Variants in CSMD3 observed in about 807,000 individuals in gnomAD.
CSMD3 encodes CUB and sushi domain-containing protein 3.
Under a neutral mutation model 435.2 loss-of-function variants are expected in CSMD3, and 177 were observed. That is an observed-to-expected ratio of 0.41 (90% CI 0.36 to 0.46). CSMD3 has a LOEUF of 0.46. CSMD3 is among the 20% of genes least tolerant of loss of function. CSMD3 has a pLI of 0.34. For missense variants in CSMD3, 4,265 were observed against 4,504.6 expected, an observed-to-expected ratio of 0.95 and a Z score of 1.52; for synonymous variants, 1,656 against 1,520.5, an observed-to-expected ratio of 1.09 and a Z score of -2.07.
At chr8:112,402,954 G>A (rs568449385) in intron 35 of CSMD3, among the ~76,000 whole-genome samples, 69 of 152,144 alleles carry the variant, frequency 4.5e-4, no homozygotes, top group Admixed American at 1.0e-3. Flanking sequence ...ATGTATTGTG[G>A]TTCAGAAAAG....
Position 112,740,201 on chromosome 8 carries a change from T to C in CSMD3, c.1973-50151A>G, listed in dbSNP as rs1222894044. The stretch of plus-strand genomic sequence containing the variant: ...TGACACAAAAATATAAAAAAAATTT[T>C]AAAATATTTATTTCCGTCAATATAT... On this transcript the variant is annotated intron_variant, in intron 13 of 70. Coordinates refer to ENST00000297405, the MANE Select transcript of CSMD3 (RefSeq NM_198123.2). Among the ~76,000 whole-genome samples, 5 of 151,866 alleles carry C rather than the reference T, an allele frequency of 3.3e-5. No homozygotes were observed. In the East Asian group the frequency reaches 9.6e-4, roughly 29 times the overall value.
chr8:113,393,854 T>A (rs893270890), intron 1 of CSMD3, among the ~76,000 whole-genome samples: 8 of 152,088 alleles, frequency 5.3e-5, no homozygotes, highest in Non-Finnish European at 8.8e-5. Context: ...AATATAAAAT[T>A]TAACTTTTGG....
At chr8:112,960,211 G>A (rs1373950937) in intron 7 of CSMD3, among the ~76,000 whole-genome samples, 1 of 150,324 alleles carries the variant, frequency 6.7e-6, no homozygotes, top group African/African-American at 2.4e-5. Context: ...ATCCTGTACT[G>A]GCTGAACAAA....
chr8:113,006,601 G>T (rs1387735243), intron 6 of CSMD3, among the ~76,000 whole-genome samples: 1 of 151,940 alleles, frequency 6.6e-6, no homozygotes, highest in African/African-American at 2.4e-5. Flanking sequence ...AGGAAATCTA[G>T]AGAGTGAGAG....
intron 3 of CSMD3, among the ~76,000 whole-genome samples, chr8:113,207,764 A>T (rs913115552): frequency 6.6e-6 from 1 of 152,172 alleles, no homozygotes; most frequent in Non-Finnish European, 1.5e-5. Flanking sequence ...TATATACTTG[A>T]TATTTACTGA....
At chr8:113,158,454 A>G (rs1035838036) in intron 4 of CSMD3, among the ~76,000 whole-genome samples, 2 of 152,102 alleles carry the variant, frequency 1.3e-5, no homozygotes, top group African/African-American at 4.8e-5. Flanking sequence ...AATACAAGAT[A>G]ATAAAATAAA....
intron 4 of CSMD3, among the ~76,000 whole-genome samples, chr8:113,102,682 A>G (rs1385121980): frequency 6.6e-6 from 1 of 152,124 alleles, no homozygotes; most frequent in Non-Finnish European, 1.5e-5. Context: ...CATGAAAAGC[A>G]GAGGGAAGGG....
intron 13 of CSMD3, among the ~76,000 whole-genome samples, chr8:112,763,817 C>T (rs1218708090): frequency 6.6e-6 from 1 of 150,992 alleles, no homozygotes; most frequent in East Asian, 1.9e-4. Context: ...AACAAGAATA[C>T]ACATTGGGCT....
chr8:113,069,804 G>C (rs1455895794), intron 5 of CSMD3, among the ~76,000 whole-genome samples: 3 of 152,092 alleles, frequency 2.0e-5, no homozygotes. Context: ...AGTTAAGGCA[G>C]TGAAAAGCCC....
chr8:113,398,070 C>A (rs1345881591), intron 1 of CSMD3, among the ~76,000 whole-genome samples: 1 of 151,960 alleles, frequency 6.6e-6, no homozygotes, highest in Non-Finnish European at 1.5e-5. Flanking sequence ...TGCTCGATAG[C>A]GTTAACCATT....
chr8:113,363,859 TG>T (rs1431992765), intron 1 of CSMD3, among the ~76,000 whole-genome samples: 2 of 152,214 alleles, frequency 1.3e-5, no homozygotes, highest in African/African-American at 4.8e-5. Flanking sequence ...TAGATCAGAA[TG>T]TTTTTAATTT....
chr8:112,377,465 T>C (rs1255998000), intron 38 of CSMD3, among the ~76,000 whole-genome samples: 1 of 152,030 alleles, frequency 6.6e-6, no homozygotes, highest in African/African-American at 2.4e-5. Context: ...TCAAAAAAAA[T>C]TGAAGAGGGG....
chr8:113,354,686 C>A (rs904198238), intron 1 of CSMD3, among the ~76,000 whole-genome samples: 1 of 152,152 alleles, frequency 6.6e-6, no homozygotes, highest in Non-Finnish European at 1.5e-5. Context: ...GTTGCCCAGG[C>A]TGGAGTGTAA....
chr8:112,585,245 C>A (rs1830634121), intron 23 of CSMD3, among the ~76,000 whole-genome samples: 1 of 151,366 alleles, frequency 6.6e-6, no homozygotes, highest in East Asian at 1.9e-4. Flanking sequence ...TGGTGTGTTT[C>A]TATTATAATA....
At chr8:113,362,609 C>A (rs993218701) in intron 1 of CSMD3, among the ~76,000 whole-genome samples, 3 of 152,186 alleles carry the variant, frequency 2.0e-5, no homozygotes, top group Non-Finnish European at 4.4e-5. Flanking sequence ...GGCAAAACAG[C>A]TCTTTCCCAC....
intron 35 of CSMD3, among the ~76,000 whole-genome samples, chr8:112,392,861 T>A (rs1012003757): frequency 7.5e-6 from 1 of 132,810 alleles, no homozygotes; most frequent in Non-Finnish European, 1.5e-5. Context: ...GTTTCTTTTT[T>A]TTCTTTTTTT....
chr8:112,930,652 G>T (rs2083075574), intron 9 of CSMD3, among the ~76,000 whole-genome samples: 1 of 152,028 alleles, frequency 6.6e-6, no homozygotes, highest in Non-Finnish European at 1.5e-5. Context: ...AGTTTACAAA[G>T]TACTTTCCTC....
chr8:113,314,989 A>G (rs1303570406), intron 1 of CSMD3, among the ~76,000 whole-genome samples, 196 bp from the exon 2 acceptor site: 1 of 152,216 alleles, frequency 6.6e-6, no homozygotes, highest in Non-Finnish European at 1.5e-5. Flanking sequence ...AAGATTTATC[A>G]TTTATAATAC....
chr8:112,674,149 G>A (rs2075720393), intron 16 of CSMD3, among the ~76,000 whole-genome samples: 1 of 152,112 alleles, frequency 6.6e-6, no homozygotes, highest in African/African-American at 2.4e-5. Flanking sequence ...GGATAGGGAA[G>A]AGCATGCTAA....
Sources: gnomAD v4.1 joint callset for allele counts (sites outside exome capture counted in the v4.1 genomes callset) on GRCh38, gnomAD v4.1.1 for gene constraint, MANE v1.5 for transcripts, NCBI Gene and HGNC (gene_info 2026-07-23, HGNC 2026-07-21) for gene names.